The following EYS variants were observed in gnomAD, a reference collection of about 807,000 sequenced individuals.
EYS encodes the protein EGF-like photoreceptor maintenance factor.
EYS carries 250 observed loss-of-function variants against 282.1 expected under a neutral mutation model. That is an observed-to-expected ratio of 0.89 (90% CI 0.80 to 0.98). EYS has a LOEUF of 0.98. Among genes scored for constraint, EYS ranks in the 50% least tolerant of loss-of-function variants. The probability of loss-of-function intolerance (pLI) is 0.00; values close to 1 mark genes in which losing one functional copy is unlikely to be tolerated. For missense variants in EYS, 4,016 were observed against 3,709.0 expected (o/e 1.08, Z -2.15); for synonymous variants, 1,355 against 1,282.9 (o/e 1.06, Z -1.20).
chr6:64,709,019 T>TACACACACACACACACAC (rs36018580), intron 22 of EYS, among the ~76,000 whole-genome samples: 25 of 150,984 alleles, frequency 1.7e-4, no homozygotes, highest in African/African-American at 6.1e-4. Context: ...CATGCACACA[T>TACACACACACACACACAC]ACACACACAC....
intron 22 of EYS, among the ~76,000 whole-genome samples, chr6:64,648,752 T>G (rs886300052): frequency 6.6e-6 from 1 of 152,136 alleles, no homozygotes; most frequent in Admixed American, 6.6e-5. Context: ...AATTTAGGAA[T>G]GGATTCTGGA....
At position 63,923,625 on chromosome 6, in the gene EYS, T is replaced by G. The variant is rs142420911; in HGVS notation, c.7056-59267A>C. 1.7e-3 allele frequency among the ~76,000 whole-genome samples: 258 copies of G among 152,334 alleles called. 3 individuals carry two copies. The East Asian group carries it at 0.041, about 24-fold the overall frequency. On this transcript the variant is annotated intron_variant, in intron 35 of 42. Coordinates refer to ENST00000503581, the MANE Select transcript of EYS (RefSeq NM_001142800.2). Reference sequence around the variant, plus strand: ...TTCAGAGGGTACATGTGCAGATTTGTTACCTGGGTATATTGCGTGATGCTG... The same window carrying G: ...TTCAGAGGGTACATGTGCAGATTTGGTACCTGGGTATATTGCGTGATGCTG...
At chr6:65,665,155 C>A (rs1214377441) in intron 1 of EYS, among the ~76,000 whole-genome samples, 1 of 152,070 alleles carries the variant, frequency 6.6e-6, no homozygotes, top group African/African-American at 2.4e-5. Context: ...GGTTATAGTT[C>A]AGTTTTAACT....
At chr6:64,358,001 G>GA (rs1771884717) in intron 29 of EYS, among the ~76,000 whole-genome samples, 1 of 151,656 alleles carries the variant, frequency 6.6e-6, no homozygotes, top group African/African-American at 2.4e-5. Context: ...AGAAATCAGG[G>GA]AAATTTCCAG....
chr6:64,860,565 A>G (rs1766204495), intron 19 of EYS, among the ~76,000 whole-genome samples: 1 of 152,196 alleles, frequency 6.6e-6, no homozygotes, highest in Non-Finnish European at 1.5e-5. Context: ...AGTTGGATAC[A>G]CCAGGACCTG....
At chr6:65,279,941 T>G (rs1446824155) in intron 12 of EYS, among the ~76,000 whole-genome samples, 2 of 152,144 alleles carry the variant, frequency 1.3e-5, no homozygotes, top group African/African-American at 4.8e-5. Context: ...TAGGAGACAA[T>G]CTCTGAATAA....
At chr6:63,886,916 G>T (rs146598776) in intron 35 of EYS, among the ~76,000 whole-genome samples, 2 of 152,146 alleles carry the variant, frequency 1.3e-5, no homozygotes, top group Non-Finnish European at 2.9e-5. Flanking sequence ...AGAAAATGAG[G>T]CAACTTTAAT....
chr6:65,131,929 A>G (rs1775890513), intron 12 of EYS, among the ~76,000 whole-genome samples: 1 of 152,022 alleles, frequency 6.6e-6, no homozygotes, highest in African/African-American at 2.4e-5. Context: ...GTCAGAAACT[A>G]CCATGAACAC....
At chr6:64,304,456 C>A (rs1186140832) in intron 30 of EYS, among the ~76,000 whole-genome samples, 1 of 152,130 alleles carries the variant, frequency 6.6e-6, no homozygotes, top group Admixed American at 6.5e-5. Context: ...ATACACAGAA[C>A]ATACTACACA....
chr6:65,219,259 T>A (rs972094272), intron 12 of EYS, among the ~76,000 whole-genome samples: 1 of 152,262 alleles, frequency 6.6e-6, no homozygotes, highest in African/African-American at 2.4e-5. Flanking sequence ...GGAAACATGG[T>A]TCATGCTGCC....
chr6:64,389,514 C>T (rs1002809326), intron 28 of EYS, among the ~76,000 whole-genome samples: 2 of 152,200 alleles, frequency 1.3e-5, no homozygotes, highest in Non-Finnish European at 2.9e-5. Flanking sequence ...TAGGCCAAAT[C>T]TTGCCTGTCA....
intron 31 of EYS, among the ~76,000 whole-genome samples, chr6:64,148,861 T>G (rs955511008): frequency 6.6e-6 from 1 of 152,166 alleles, no homozygotes; most frequent in Non-Finnish European, 1.5e-5. Flanking sequence ...AGAAAAATGT[T>G]ATAAATTTCA....
At chr6:65,686,758 G>A (rs2149841375) in intron 1 of EYS, among the ~76,000 whole-genome samples, 1 of 152,136 alleles carries the variant, frequency 6.6e-6, no homozygotes, top group Admixed American at 6.6e-5. Context: ...GTAGCCATGT[G>A]TTGTATACAT....
intron 12 of EYS, among the ~76,000 whole-genome samples, chr6:65,213,869 A>G (rs1315319751): frequency 6.6e-6 from 1 of 152,118 alleles, no homozygotes; most frequent in African/African-American, 2.4e-5. Flanking sequence ...AGGAAGGGAT[A>G]CTGAAAGCTG....
intron 7 of EYS, among the ~76,000 whole-genome samples, chr6:65,393,038 T>G (rs1766112766): frequency 6.6e-6 from 1 of 151,976 alleles, no homozygotes; most frequent in African/African-American, 2.4e-5. Context: ...TGGATGAAAT[T>G]GGAAATCATC....
At chr6:64,127,788 T>G (rs887759896) in intron 31 of EYS, among the ~76,000 whole-genome samples, 2 of 152,134 alleles carry the variant, frequency 1.3e-5, no homozygotes, top group African/African-American at 4.8e-5. Context: ...TCATAGAGTT[T>G]TGAAACTGTT....
intron 31 of EYS, among the ~76,000 whole-genome samples, chr6:64,108,507 CTT>C (rs530004392): frequency 0.032 from 3,760 of 116,822 alleles, 104 homozygotes; most frequent in African/African-American, 0.11. Context: ...TCCACTACTG[CTT>C]TTTTTTTTTT....
chr6:63,961,480 C>T (rs892612889), intron 35 of EYS, among the ~76,000 whole-genome samples: 1 of 152,148 alleles, frequency 6.6e-6, no homozygotes, highest in African/African-American at 2.4e-5. Context: ...TTTCCACTAC[C>T]CACCCAAATC....
intron 14 of EYS, among the ~76,000 whole-genome samples, chr6:64,954,769 A>G (rs1350929201): frequency 3.9e-5 from 6 of 152,170 alleles, no homozygotes; most frequent in Non-Finnish European, 8.8e-5. Context: ...AGGGCACCAA[A>G]TTAACAACTA....
Sources: allele counts gnomAD v4.1 joint callset (sites outside exome capture counted in the v4.1 genomes callset), GRCh38; gene constraint gnomAD v4.1.1; transcripts MANE v1.5; gene names NCBI Gene and HGNC (gene_info 2026-07-23, HGNC 2026-07-21).